ANKRD28: variants seen among roughly 807,000 people sequenced by gnomAD.
ANKRD28 encodes the protein ankyrin repeat domain 28, also known as serine/threonine-protein phosphatase 6 regulatory ankyrin repeat subunit A.
Under a neutral mutation model 126.5 loss-of-function variants are expected in ANKRD28, and 44 were observed. That is an observed-to-expected ratio of 0.35 (90% CI 0.27 to 0.45). ANKRD28 has a LOEUF of 0.45. Among genes scored for constraint, ANKRD28 ranks in the 20% least tolerant of loss-of-function variants. ANKRD28 has a pLI of 1.00. For missense variants in ANKRD28, 1,110 were observed against 1,316.6 expected (o/e 0.84, Z 2.43); for synonymous variants, 442 against 468.5 (o/e 0.94, Z 0.73).
At chr3:15,688,914 C>T (rs111373764) in intron 18 of ANKRD28, among the ~76,000 whole-genome samples, 2,922 of 152,288 alleles carry the variant, frequency 0.019, 99 homozygotes, top group African/African-American at 0.066. Context: ...TAAGTCAAAA[C>T]GTGTATCACT....
At chr3:15,847,389 T>G (rs1442271693) in intron 1 of ANKRD28, among the ~76,000 whole-genome samples, 2 of 152,234 alleles carry the variant, frequency 1.3e-5, no homozygotes, top group African/African-American at 2.4e-5. Flanking sequence ...ATTCATTCCA[T>G]ATTTTCCATG....
chr3:15,716,530 A>T (rs1327047048), intron 8 of ANKRD28, among the ~76,000 whole-genome samples: 1 of 151,870 alleles, frequency 6.6e-6, no homozygotes, highest in African/African-American at 2.4e-5. Context: ...GTGATTCTCC[A>T]GCCTTGGCTT....
chr3:15,773,823 T>C lies in ANKRD28; in HGVS notation c.202-7511A>G, dbSNP rs1204131173. 2.6e-5 allele frequency among the ~76,000 whole-genome samples: 4 copies of C among 152,108 alleles called. No individual in the cohort carries two copies. The East Asian group carries it at 7.7e-4, about 29-fold the overall frequency. ...TCCTCACAGGATTTCTTGTAGATAT[T>C]AAAAAGCTAAAATTTACGTAGAAAG... On this transcript the variant is annotated intron_variant, in intron 2 of 27. Transcript: ENST00000683139.
Position 15,696,136 on chromosome 3 carries a change from G to A in ANKRD28, c.1657C>T (p.Leu553=), listed in dbSNP as rs1447003314. 3 of 1,562,156 alleles carry A rather than the reference G, an allele frequency of 1.9e-6. No individual in the cohort carries two copies. Among genetic ancestry groups the A allele is most frequent in the Non-Finnish European group, 2.6e-6 (3 of 1,145,696 alleles). ...TCACAAGAATTCAGGAATCTTACCAGCTGAAGACATAGACGGTGACCATAA... is the reference window on the plus strand; with the variant it reads ...TCACAAGAATTCAGGAATCTTACCAACTGAAGACATAGACGGTGACCATAA... ...AAYGHRLCLQ[L]IASETPLDVL... is the part of the protein sequence containing the mutation. The change falls in exon 15 of 28, where the codon CTG becomes TTG. Residue 553 remains leucine, a splice_region_variant and synonymous_variant. Coordinates refer to ENST00000683139, the MANE Select transcript of ANKRD28 (RefSeq NM_001349278.2).
intron 2 of ANKRD28, among the ~76,000 whole-genome samples, chr3:15,778,056 T>A (rs1341488458): frequency 6.6e-6 from 1 of 152,212 alleles, no homozygotes; most frequent in East Asian, 1.9e-4. Context: ...ATGCGTATCA[T>A]ACATAAGTAT....
chr3:15,694,252 T>C (rs980930162), intron 17 of ANKRD28, among the ~76,000 whole-genome samples: 1 of 152,204 alleles, frequency 6.6e-6, no homozygotes, highest in Middle Eastern at 3.4e-3. Context: ...GGAAGGGACA[T>C]AACAGACAAT....
At chr3:15,850,190 T>TAAAA (rs1238069051) in intron 1 of ANKRD28, among the ~76,000 whole-genome samples, 1,616 of 31,440 alleles carry the variant, frequency 0.051, 72 homozygotes, top group Non-Finnish European at 0.072. Context: ...CTACATGCAA[T>TAAAA]AAAAAAAAAA....
Position 15,712,176 on chromosome 3 carries a change from C to A in ANKRD28, c.1237G>T (p.Gly413Cys), listed in dbSNP as rs756948440. 1 of 1,585,388 alleles carries A rather than the reference C, an allele frequency of 6.3e-7. No homozygotes were observed. Among genetic ancestry groups the A allele is most frequent in the Non-Finnish European group, 8.6e-7 (1 of 1,165,428 alleles). The stretch of plus-strand genomic sequence containing the variant: ...AGTTTTCTGCAGCAATCTGAAAAGC[C>A]GCTTAAGGCTGCCAAATGGAGGGGG... ...MFPLHLAALS[G>C]FSDCCRKLLS... is the part of the protein sequence containing the mutation. The change falls in exon 11 of 28, where the codon GGC becomes TGC. Residue 413 changes from glycine to cysteine, a missense_variant. Transcript: ENST00000683139.
intron 9 of ANKRD28, 48 bp from the exon 10 acceptor site, chr3:15,713,689 G>T: frequency 8.1e-7 from 1 of 1,238,640 alleles, no homozygotes; most frequent in Non-Finnish European, 1.1e-6. Flanking sequence ...TAAAGATCAG[G>T]TCAAACGTAC....
chr3:15,678,202 T>A lies in ANKRD28; in HGVS notation c.2707+7A>T, dbSNP rs375812506. The A allele has an allele frequency of 1.4e-5, 23 of 1,604,014 alleles. No individual in the cohort carries two copies. Among genetic ancestry groups the A allele is most frequent in the Middle Eastern group, 1.7e-4 (1 of 6,038 alleles). ...AGGAAAATACAATTTTAAAGAAGTT[T>A]CTTTACCAACTGTATTTGTTTGTCC... On this transcript the variant is annotated splice_region_variant and intron_variant, in intron 24 of 27. Coordinates refer to ENST00000683139, the MANE Select transcript of ANKRD28 (RefSeq NM_001349278.2).
At chr3:15,677,116 C>T in intron 25 of ANKRD28, 60 bp from the exon 26 acceptor site, 1 of 1,326,116 alleles carries the variant, frequency 7.5e-7, no homozygotes, top group Middle Eastern at 2.2e-4. Flanking sequence ...CATTTATACA[C>T]CCAACAATCT....
At chr3:15,859,440 CTCCGCCGCT>C (rs1429026678) in exon 1 of ANKRD28, 1 of 1,507,096 alleles carries the variant, frequency 6.6e-7, no homozygotes, top group African/African-American at 1.5e-5. Context: ...CCTCCTCCTC[CTCCGCCGCT>C]GCCGCTGCCG....
At position 15,830,809 on chromosome 3, in the gene ANKRD28, T is replaced by C. The variant is rs1225027036; in HGVS notation, c.27+28568A>G. ...GATAGTCTAACAATATGATTCTTGG[T>C]GGGACCTTTAAGTCACGGAGTATCA... On this transcript the variant is annotated intron_variant, in intron 1 of 27. Transcript: ENST00000399451. This position sits in a 1 kb window ranked among gnomAD's most constrained non-coding sequence, Gnocchi z 4.5. Among the ~76,000 whole-genome samples, 1 of 152,136 alleles carries C rather than the reference T, an allele frequency of 6.6e-6. No homozygotes were observed. The highest frequency in any genetic ancestry group is 1.9e-4 in the East Asian group (1 of 5,180).
chr3:15,741,798 C>T (rs1237038928), intron 4 of ANKRD28, among the ~76,000 whole-genome samples: 2 of 139,132 alleles, frequency 1.4e-5, no homozygotes, highest in Admixed American at 1.6e-4. Context: ...AACATATTTG[C>T]AGGTACTGCT....
At chr3:15,731,055 A>G (rs1039017449) in intron 6 of ANKRD28, among the ~76,000 whole-genome samples, 1 of 152,246 alleles carries the variant, frequency 6.6e-6, no homozygotes, top group Non-Finnish European at 1.5e-5. Flanking sequence ...AGGAAATAAA[A>G]TTTCTGTTCT....
At chr3:15,859,623 C>T (rs974963736) in exon 1 of ANKRD28, 3 of 175,438 alleles carry the variant, frequency 1.7e-5, no homozygotes, top group African/African-American at 7.3e-5. Flanking sequence ...AGGTGAGGTG[C>T]CCGGCCGGTC....
intron 6 of ANKRD28, among the ~76,000 whole-genome samples, chr3:15,726,097 A>C (rs1400261516): frequency 6.6e-6 from 1 of 152,136 alleles, no homozygotes; most frequent in African/African-American, 2.4e-5. Flanking sequence ...CCATTCCCCC[A>C]TCTATCTCCT....
chr3:15,715,045 AAAAT>A (rs1002628507), intron 8 of ANKRD28, among the ~76,000 whole-genome samples: 1 of 152,132 alleles, frequency 6.6e-6, no homozygotes, highest in Non-Finnish European at 1.5e-5. Flanking sequence ...TACATTTAAA[AAAAT>A]AAATACAAAT....
In ANKRD28 at chr3:15,796,685, A is replaced by G; in HGVS notation, c.-164T>C. On this transcript the variant is annotated 5_prime_UTR_variant, in exon 1 of 28. Transcript: ENST00000683139. ...AGTTAATAAGTACTACTGGAAAAAC[A>G]AGTTTAAAATTATGACTACATAATT... The G allele has an allele frequency of 3.0e-6, 3 of 986,256 alleles. No homozygotes were observed. The African/African-American group carries it at 5.2e-5, about 17-fold the overall frequency. The allele number at this position is 986,256 out of a possible 1,614,324, so 61.1% of individuals were successfully genotyped here.
Sources: gnomAD v4.1 joint callset for allele counts (sites outside exome capture counted in the v4.1 genomes callset) on GRCh38, gnomAD v4.1.1 for gene constraint, Gnocchi (gnomAD v3.1) non-coding constraint, MANE v1.5 for transcripts, NCBI Gene and HGNC (gene_info 2026-07-23, HGNC 2026-07-21) for gene names.